STPG2: variants seen among roughly 807,000 people sequenced by gnomAD.
STPG2 encodes the protein sperm-tail PG-rich repeat-containing protein 2.
Under a neutral mutation model 54.2 loss-of-function variants are expected in STPG2, and 56 were observed. The ratio of observed to expected loss-of-function variants is 1.03; its 90% CI spans 0.83 to 1.29. STPG2 has a LOEUF of 1.29. Ranked by LOEUF, STPG2 falls within the 50% of genes most tolerant of loss-of-function variation. The pLI is 0.00. For missense variants in STPG2, 596 were observed against 544.9 expected, an observed-to-expected ratio of 1.09 and a Z score of -0.93; for synonymous variants, 200 against 181.8, an observed-to-expected ratio of 1.10 and a Z score of -0.81.
chr4:98,009,633 C>T (rs1735681563), intron 5 of STPG2, among the ~76,000 whole-genome samples: 1 of 135,270 alleles, frequency 7.4e-6, no homozygotes, highest in East Asian at 2.1e-4. Context: ...TGTTTCCTTA[C>T]TGAATTTCTG....
At chr4:97,550,328 G>A (rs1488539858) in intron 4 of STPG2, among the ~76,000 whole-genome samples, 1 of 151,598 alleles carries the variant, frequency 6.6e-6, no homozygotes, top group Non-Finnish European at 1.5e-5. Flanking sequence ...TAATCTAGTA[G>A]GGCAAAGATA....
At chr4:97,959,387 A>G (rs1325791719) in intron 7 of STPG2, among the ~76,000 whole-genome samples, 1 of 152,074 alleles carries the variant, frequency 6.6e-6, no homozygotes, top group Non-Finnish European at 1.5e-5. Context: ...AGAATAAATG[A>G]AATTGAAACT....
intron 8 of STPG2, among the ~76,000 whole-genome samples, chr4:97,868,097 C>T (rs1729858034): frequency 6.6e-6 from 1 of 151,870 alleles, no homozygotes; most frequent in Admixed American, 6.6e-5. Flanking sequence ...TATTTTAATT[C>T]TTAAGGTCTA....
At chr4:97,490,429 A>G (rs1037871638) in intron 4 of STPG2, among the ~76,000 whole-genome samples, 1 of 151,442 alleles carries the variant, frequency 6.6e-6, no homozygotes, top group African/African-American at 2.4e-5. Flanking sequence ...CTTATATTCT[A>G]CTACTCTGTT....
At chr4:97,861,410 C>A (rs978967619) in intron 8 of STPG2, among the ~76,000 whole-genome samples, 38 of 152,074 alleles carry the variant, frequency 2.5e-4, no homozygotes, top group Non-Finnish European at 4.4e-4. Context: ...TAAATTAGTA[C>A]AACCACTTTG....
intron 9 of STPG2, among the ~76,000 whole-genome samples, chr4:97,736,184 C>A (rs1035789601): frequency 3.9e-5 from 6 of 152,130 alleles, no homozygotes; most frequent in African/African-American, 1.4e-4. Flanking sequence ...AATTCCTATT[C>A]TGAATATATA....
At chr4:97,754,413 G>A (rs1460062232) in intron 9 of STPG2, among the ~76,000 whole-genome samples, 1 of 152,008 alleles carries the variant, frequency 6.6e-6, no homozygotes, top group Non-Finnish European at 1.5e-5. Context: ...ATAAAGCCAA[G>A]CTCCTATGCT....
intron 9 of STPG2, among the ~76,000 whole-genome samples, chr4:97,730,629 T>C (rs1724766796): frequency 1.3e-5 from 2 of 152,202 alleles, no homozygotes; most frequent in Non-Finnish European, 2.9e-5. Context: ...CCAAATTGCT[T>C]ACCCTGTCTC....
chr4:97,744,643 T>C (rs140555159), intron 9 of STPG2, among the ~76,000 whole-genome samples: 1 of 151,396 alleles, frequency 6.6e-6, no homozygotes, highest in East Asian at 1.9e-4. Flanking sequence ...ATTTTTCCTA[T>C]AAATACATAG....
intron 4 of STPG2, among the ~76,000 whole-genome samples, chr4:97,451,858 A>C (rs1302920711): frequency 6.6e-6 from 1 of 152,198 alleles, no homozygotes; most frequent in Non-Finnish European, 1.5e-5. Flanking sequence ...CAATTAGAGA[A>C]AATCATGTGT....
chr4:98,010,612 G>T (rs1735715206), intron 5 of STPG2, among the ~76,000 whole-genome samples: 1 of 152,120 alleles, frequency 6.6e-6, no homozygotes, highest in Non-Finnish European at 1.5e-5. Context: ...TTTGGTTGAA[G>T]AATTTAATAC....
intron 8 of STPG2, among the ~76,000 whole-genome samples, chr4:97,854,136 T>G (rs1343771165): frequency 2.0e-5 from 3 of 152,192 alleles, no homozygotes; most frequent in African/African-American, 7.2e-5. Flanking sequence ...GATACTCTAT[T>G]TTAGCATCCG....
intron 10 of STPG2, among the ~76,000 whole-genome samples, chr4:97,665,444 AC>A (rs1330027053): frequency 1.3e-5 from 2 of 151,994 alleles, no homozygotes; most frequent in Non-Finnish European, 2.9e-5. Flanking sequence ...CAGAGAGGAG[AC>A]CCTGGGGTGG....
intron 6 of STPG2, among the ~76,000 whole-genome samples, chr4:97,978,515 G>A (rs1464721276): frequency 6.6e-6 from 1 of 152,160 alleles, no homozygotes; most frequent in Non-Finnish European, 1.5e-5. Flanking sequence ...ACCAGTGGTG[G>A]AGGGTGGGAG....
At chr4:97,915,078 C>T (rs1284183706) in intron 8 of STPG2, among the ~76,000 whole-genome samples, 1 of 152,022 alleles carries the variant, frequency 6.6e-6, no homozygotes, top group Non-Finnish European at 1.5e-5. Context: ...TTGGGTGTTT[C>T]CAGGACAACA....
intron 9 of STPG2, among the ~76,000 whole-genome samples, chr4:97,801,148 G>T (rs930281396): frequency 6.6e-6 from 1 of 152,086 alleles, no homozygotes; most frequent in African/African-American, 2.4e-5. Flanking sequence ...GCAATGCCTC[G>T]CCCTGCCTCA....
At chr4:97,562,631 C>T (rs1054499660) in intron 10 of STPG2, among the ~76,000 whole-genome samples, 1 of 152,014 alleles carries the variant, frequency 6.6e-6, no homozygotes, top group Admixed American at 6.6e-5. Flanking sequence ...TACCTAATTT[C>T]TTGAGAGTTT....
chr4:98,051,143 T>TC (rs34014843), intron 5 of STPG2, among the ~76,000 whole-genome samples: 59,922 of 151,940 alleles, frequency 0.39, 12,040 homozygotes, highest in Middle Eastern at 0.46. Flanking sequence ...TAATGAGAGA[T>TC]CCACCTTAGG....
At chr4:98,140,535 A>C (rs1387899949) in intron 1 of STPG2, among the ~76,000 whole-genome samples, 1 of 152,182 alleles carries the variant, frequency 6.6e-6, no homozygotes, top group Non-Finnish European at 1.5e-5. Context: ...CTAATCAAAC[A>C]GGCACTGAGA....
Sources: allele counts gnomAD v4.1 joint callset (sites outside exome capture counted in the v4.1 genomes callset), GRCh38; gene constraint gnomAD v4.1.1; transcripts MANE v1.5; gene names NCBI Gene and HGNC (gene_info 2026-07-23, HGNC 2026-07-21).